HYDIN: variants seen among roughly 807,000 people sequenced by gnomAD.
HYDIN encodes the protein HYDIN axonemal central pair apparatus protein.
In HYDIN, 132 loss-of-function variants were observed where a neutral mutation model predicts 403.9. That is an observed-to-expected ratio of 0.33 (90% CI 0.28 to 0.38). The LOEUF is 0.38. HYDIN is among the 10% of genes least tolerant of loss of function. The pLI, the probability that HYDIN is intolerant of heterozygous loss-of-function variation, is 1.00. For synonymous variants in HYDIN, 1,202 were observed against 1,891.7 expected (o/e 0.64, Z 9.46); for missense variants, 2,827 against 5,009.5 (o/e 0.56, Z 13.15).
Position 71,191,650 on chromosome 16 carries a change from G to C in HYDIN, c.-23-4732C>G, listed in dbSNP as rs184232177. Among the ~76,000 whole-genome samples the C allele has an allele frequency of 1.5e-3, 229 of 152,118 alleles. 1 individual carries two copies. Among genetic ancestry groups the C allele is most frequent in the Middle Eastern group, 6.8e-3 (2 of 292 alleles). ...TCTGCAGCCTCTGCTGGGCCCCTTA[G>C]ACCACCTCATCTGTTTCCTTTATTA... is the stretch of plus-strand genomic sequence containing the variant. On this transcript the variant is annotated intron_variant, in intron 1 of 85. Transcript: ENST00000393567.
intron 11 of HYDIN, among the ~76,000 whole-genome samples, chr16:71,090,685 T>TG (rs2083094276): frequency 6.6e-6 from 1 of 151,306 alleles, no homozygotes; most frequent in Non-Finnish European, 1.5e-5. Flanking sequence ...GGTTTTTTTT[T>TG]GTAGAGATGG....
intron 29 of HYDIN, among the ~76,000 whole-genome samples, chr16:70,979,889 A>T (rs2078995119): frequency 6.6e-6 from 1 of 152,090 alleles, no homozygotes; most frequent in Non-Finnish European, 1.5e-5. Flanking sequence ...CCGTCACTGA[A>T]CTCCAGCCTG....
chr16:71,158,609 A>G (rs1280704795), intron 6 of HYDIN, among the ~76,000 whole-genome samples: 4 of 148,472 alleles, frequency 2.7e-5, no homozygotes, highest in Admixed American at 2.0e-4. Flanking sequence ...AAAAAATACC[A>G]TTGTAACAGT....
At chr16:70,978,101 G>A (rs1488392855) in intron 30 of HYDIN, among the ~76,000 whole-genome samples, 2 of 151,818 alleles carry the variant, frequency 1.3e-5, no homozygotes, top group African/African-American at 2.4e-5. Context: ...CGGTAGCCAC[G>A]GGAAACAGCT....
At position 70,911,543 on chromosome 16, in the gene HYDIN, T is replaced by C. The variant is rs557069638; in HGVS notation, c.8005-2682A>G. On this transcript the variant is annotated intron_variant, in intron 47 of 85. Transcript: ENST00000393567. ...TACAGTATAGTTTGAAATCAGGTAG[T>C]GTGATGCCTCCAGATTTGTTCTTTT... 2.9e-3 allele frequency among the ~76,000 whole-genome samples: 367 copies of C among 124,972 alleles called. 1 individual carries two copies. The highest frequency in any genetic ancestry group is 0.01 in the African/African-American group (346 of 33,290). The allele number at this position is 124,972 out of a possible 152,430, so 82.0% of individuals were successfully genotyped here. A position where few individuals can be genotyped will look rare whatever the true frequency, so the allele number is the denominator to read the frequency against.
At position 70,854,563 on chromosome 16, in the gene HYDIN, C is replaced by T. The variant is rs541753396; in HGVS notation, c.12443+565G>A. Among the ~76,000 whole-genome samples, 5 of 150,094 alleles carry T rather than the reference C, an allele frequency of 3.3e-5. No homozygotes were observed. The South Asian group carries it at 6.4e-4, about 19-fold the overall frequency. The stretch of plus-strand genomic sequence containing the variant: ...TCGAGTAGCTGGGATTACAGGCGCC[C>T]GCCAACACGCCTGGCTAATTTTGGT... On this transcript the variant is annotated intron_variant, in intron 73 of 85. Coordinates refer to ENST00000393567, the MANE Select transcript of HYDIN (RefSeq NM_001270974.2).
chr16:70,982,646 C>T (rs1472015004), intron 28 of HYDIN, among the ~76,000 whole-genome samples: 1 of 146,210 alleles, frequency 6.8e-6, no homozygotes, highest in Non-Finnish European at 1.5e-5. Flanking sequence ...TTTCATTTTA[C>T]CTAACAATAT....
chr16:71,166,165 A>G (rs903237919), intron 5 of HYDIN, among the ~76,000 whole-genome samples: 5 of 130,138 alleles, frequency 3.8e-5, no homozygotes, highest in African/African-American at 1.3e-4. Flanking sequence ...GCAAGTAGTA[A>G]GTACTCAATA....
chr16:70,906,216 T>G (rs2076533283), intron 50 of HYDIN, among the ~76,000 whole-genome samples: 1 of 152,164 alleles, frequency 6.6e-6, no homozygotes, highest in South Asian at 2.1e-4. Flanking sequence ...CAATTCTGCC[T>G]AAAAATCTCA....
At chr16:71,117,830 T>C (rs921534477) in intron 9 of HYDIN, among the ~76,000 whole-genome samples, 1 of 152,000 alleles carries the variant, frequency 6.6e-6, no homozygotes, top group African/African-American at 2.4e-5. Context: ...CTAGAGCCAA[T>C]TTGGGTTTAT....
At chr16:71,067,672 G>A (rs1464808679) in intron 14 of HYDIN, among the ~76,000 whole-genome samples, 1 of 152,072 alleles carries the variant, frequency 6.6e-6, no homozygotes, top group South Asian at 2.1e-4. Flanking sequence ...GGGGAAAAAT[G>A]AGCATGAACG....
intron 21 of HYDIN, among the ~76,000 whole-genome samples, chr16:71,024,692 T>C (rs1416665374): frequency 7.3e-6 from 1 of 137,760 alleles, no homozygotes; most frequent in Admixed American, 7.5e-5. Flanking sequence ...TATTGTGATA[T>C]CTCCTCCACC....
intron 6 of HYDIN, among the ~76,000 whole-genome samples, chr16:71,158,317 C>A (rs1422084628): frequency 6.6e-6 from 1 of 152,204 alleles, no homozygotes; most frequent in African/African-American, 2.4e-5. Context: ...CAAATCCTGG[C>A]CAGTCCCTGA....
intron 3 of HYDIN, among the ~76,000 whole-genome samples, chr16:71,183,385 T>C (rs2086987775): frequency 2.0e-5 from 3 of 151,568 alleles, no homozygotes; most frequent in Admixed American, 6.6e-5. Flanking sequence ...CATTGAAAAA[T>C]GATATGAAAA....
chr16:71,143,767 C>G (rs1400952199), intron 7 of HYDIN, among the ~76,000 whole-genome samples: 1 of 152,292 alleles, frequency 6.6e-6, no homozygotes, highest in Admixed American at 6.5e-5. Flanking sequence ...CAGTCAATTA[C>G]TGACTATATT....
chr16:71,204,402 A>G (rs1353526538), intron 1 of HYDIN, among the ~76,000 whole-genome samples: 4 of 152,186 alleles, frequency 2.6e-5, no homozygotes, highest in Admixed American at 6.5e-5. Flanking sequence ...GCTTTCATCA[A>G]TCTCCACCAG....
At chr16:71,065,479 G>C (rs369656823) in intron 15 of HYDIN, among the ~76,000 whole-genome samples, 2 of 152,028 alleles carry the variant, frequency 1.3e-5, no homozygotes, top group African/African-American at 4.8e-5. Context: ...CTATTATTAG[G>C]TGACTTGGAT....
At chr16:70,878,274 G>A (rs2040567203) in intron 62 of HYDIN, among the ~76,000 whole-genome samples, 1 of 147,296 alleles carries the variant, frequency 6.8e-6, no homozygotes, top group Non-Finnish European at 1.5e-5. Context: ...GTGATAGTGA[G>A]GCCTCCCCAG....
intron 44 of HYDIN, among the ~76,000 whole-genome samples, chr16:70,938,353 C>A (rs1597369324): frequency 6.6e-6 from 1 of 152,208 alleles, no homozygotes. Context: ...TCTTCCAGGG[C>A]CACCCATGAC....
Sources: gnomAD v4.1 joint callset for allele counts (sites outside exome capture counted in the v4.1 genomes callset) on GRCh38, gnomAD v4.1.1 for gene constraint, MANE v1.5 for transcripts, NCBI Gene and HGNC (gene_info 2026-07-23, HGNC 2026-07-21) for gene names.